UBL3: variants seen among roughly 807,000 people sequenced by gnomAD.
The protein encoded by UBL3 is ubiquitin like 3.
UBL3 carries 6 observed loss-of-function variants against 18.4 expected under a neutral mutation model. That is an observed-to-expected ratio of 0.33 (90% CI 0.18 to 0.64). UBL3 has a LOEUF of 0.64. Among genes scored for constraint, UBL3 ranks in the 30% least tolerant of loss-of-function variants. The pLI is 0.76. For missense variants in UBL3, 109 were observed against 142.9 expected (o/e 0.76, Z 1.21); for synonymous variants, 49 against 46.6 (o/e 1.05, Z -0.21).
chr13:29,822,229 G>A (rs143147242), intron 1 of UBL3, among the ~76,000 whole-genome samples: 2 of 152,234 alleles, frequency 1.3e-5, no homozygotes, highest in African/African-American at 2.4e-5. Context: ...GTGAAAGGGG[G>A]AGTAAGTAAA....
At chr13:29,780,902 G>A (rs1451984666) in intron 1 of UBL3, among the ~76,000 whole-genome samples, 2 of 152,114 alleles carry the variant, frequency 1.3e-5, no homozygotes, top group Non-Finnish European at 2.9e-5. Context: ...AGCCAGGCGC[G>A]GTGGCTCACG....
intron 1 of UBL3, among the ~76,000 whole-genome samples, chr13:29,795,065 A>C (rs1877573633): frequency 2.0e-5 from 3 of 152,220 alleles, no homozygotes; most frequent in South Asian, 2.1e-4. Context: ...TTTCAAATTC[A>C]AGTACTCAGG....
intron 1 of UBL3, among the ~76,000 whole-genome samples, chr13:29,831,789 G>A (rs1009798522): frequency 6.6e-6 from 1 of 151,634 alleles, no homozygotes; most frequent in Non-Finnish European, 1.5e-5. Flanking sequence ...AGCAGTCTGG[G>A]ACCACTTGGA....
At chr13:29,827,471 ACT>A (rs1878653007) in intron 1 of UBL3, among the ~76,000 whole-genome samples, 1 of 151,362 alleles carries the variant, frequency 6.6e-6, no homozygotes, top group Non-Finnish European at 1.5e-5. Flanking sequence ...GCTGGTTTAA[ACT>A]CTGTTTTATC....
At chr13:29,819,934 A>C (rs777207728) in intron 1 of UBL3, among the ~76,000 whole-genome samples, 2 of 152,162 alleles carry the variant, frequency 1.3e-5, no homozygotes, top group Non-Finnish European at 2.9e-5. Context: ...ACAACTGCAA[A>C]GATAAAATGT....
At chr13:29,800,918 C>T (rs191539611) in intron 1 of UBL3, among the ~76,000 whole-genome samples, 110 of 152,012 alleles carry the variant, frequency 7.2e-4, no homozygotes, top group Admixed American at 2.6e-3. Flanking sequence ...GACCCCCCCA[C>T]GGTGCAGCAG....
chr13:29,767,490 T>C, intron 4 of UBL3, 128 bp downstream of exon 4: 1 of 1,196,390 alleles, frequency 8.4e-7, no homozygotes. Flanking sequence ...GTCTGGTTAT[T>C]TGCTTGACAA....
Position 29,780,782 on chromosome 13 carries a change from A to C in UBL3, c.28-3519T>G, listed in dbSNP as rs185115477. ...TTTGTTTTCCTGTCATTCCATATAA[A>C]GAGATCAGGACTCTCTTGCTGCCAA... is the stretch of plus-strand genomic sequence containing the variant. On this transcript the variant is annotated intron_variant, in intron 1 of 4. Coordinates refer to ENST00000380680, the MANE Select transcript of UBL3 (RefSeq NM_007106.4). 2.3e-3 allele frequency among the ~76,000 whole-genome samples: 356 copies of C among 152,260 alleles called. 3 individuals carry two copies. Among genetic ancestry groups the C allele is most frequent in the African/African-American group, 7.8e-3 (324 of 41,550 alleles).
chr13:29,765,969 C>T lies in UBL3; in HGVS notation c.*1286G>A, dbSNP rs1876668811. On this transcript the variant is annotated 3_prime_UTR_variant, in exon 5 of 5. Transcript: ENST00000380680. The stretch of plus-strand genomic sequence containing the variant: ...GGAATATTGTTCTGTATACTACGCG[C>T]CAATCTATATTTTAAGTCCTGTAGT... 6.6e-6 allele frequency: 1 copy of T among 152,438 alleles called. No individual in the cohort carries two copies. Among genetic ancestry groups the T allele is most frequent in the Non-Finnish European group, 1.5e-5 (1 of 67,976 alleles). 9.4% of individuals were successfully genotyped at this position (152,438 alleles called of 1,614,324 possible). A position where few individuals can be genotyped will look rare whatever the true frequency, so the allele number is the denominator to read the frequency against.
intron 1 of UBL3, among the ~76,000 whole-genome samples, chr13:29,830,093 T>C (rs895794584): frequency 1.3e-5 from 2 of 152,196 alleles, no homozygotes; most frequent in Non-Finnish European, 2.9e-5. Flanking sequence ...ATATAAGTTA[T>C]TCAAGTCACC....
chr13:29,795,656 G>A (rs1213880633), intron 1 of UBL3, among the ~76,000 whole-genome samples: 1 of 151,092 alleles, frequency 6.6e-6, no homozygotes, highest in African/African-American at 2.4e-5. Context: ...GTGGCAGCTT[G>A]TGCCTGTAAT....
At chr13:29,846,431 C>G (rs558529280) in intron 1 of UBL3, among the ~76,000 whole-genome samples, 2 of 152,174 alleles carry the variant, frequency 1.3e-5, no homozygotes, top group African/African-American at 4.8e-5. Context: ...CTACGGGTGC[C>G]ACTCCCTCAT....
At chr13:29,791,321 T>C (rs1397453882) in intron 1 of UBL3, among the ~76,000 whole-genome samples, 2 of 152,204 alleles carry the variant, frequency 1.3e-5, no homozygotes, top group East Asian at 1.9e-4. Flanking sequence ...ACAGCTAACA[T>C]TTACTAATCA....
intron 1 of UBL3, among the ~76,000 whole-genome samples, chr13:29,814,182 T>C (rs1465758477): frequency 1.3e-5 from 2 of 152,120 alleles, no homozygotes; most frequent in Non-Finnish European, 2.9e-5. Flanking sequence ...TGAAGTTATA[T>C]TGCACAGCCA....
intron 1 of UBL3, among the ~76,000 whole-genome samples, chr13:29,819,164 T>C (rs1028493185): frequency 1.3e-5 from 2 of 152,230 alleles, no homozygotes; most frequent in African/African-American, 4.8e-5. Flanking sequence ...TAATATTCTC[T>C]CTACTTCTGT....
At chr13:29,788,523 C>T (rs1877383945) in intron 1 of UBL3, among the ~76,000 whole-genome samples, 1 of 152,234 alleles carries the variant, frequency 6.6e-6, no homozygotes, top group East Asian at 1.9e-4. Flanking sequence ...TTCGATGCCA[C>T]CCCAAAACAC....
At chr13:29,777,775 T>C (rs1023535586) in intron 1 of UBL3, among the ~76,000 whole-genome samples, 4 of 152,132 alleles carry the variant, frequency 2.6e-5, no homozygotes, top group Non-Finnish European at 5.9e-5. Context: ...AAACTATGTA[T>C]GTTTTTTTGA....
chr13:29,777,427 G>A, intron 1 of UBL3, 164 bp from the exon 2 acceptor site: 1 of 704,580 alleles, frequency 1.4e-6, no homozygotes, highest in Non-Finnish European at 2.5e-6. Flanking sequence ...ATGGGAATTT[G>A]ATATTTGATT....
chr13:29,834,136 G>A (rs527868651), intron 1 of UBL3, among the ~76,000 whole-genome samples: 19 of 150,552 alleles, frequency 1.3e-4, no homozygotes, highest in Middle Eastern at 3.5e-3. Context: ...AGCTGAGATC[G>A]CGCCACAGTG....
Sources: allele counts gnomAD v4.1 joint callset (sites outside exome capture counted in the v4.1 genomes callset), GRCh38; gene constraint gnomAD v4.1.1; transcripts MANE v1.5; gene names NCBI Gene and HGNC (gene_info 2026-07-23, HGNC 2026-07-21).